ITPR1: variants seen among roughly 807,000 people sequenced by gnomAD.
ITPR1 encodes inositol 1,4,5-trisphosphate-gated calcium channel ITPR1.
ITPR1 carries 96 observed loss-of-function variants against 318.4 expected under a neutral mutation model. The observed-to-expected ratio is 0.30, with a 90% confidence interval of 0.26 to 0.36. The LOEUF (loss-of-function observed/expected upper bound fraction) is 0.36, where lower values mean the gene tolerates loss of function less well. Ranked by LOEUF, ITPR1 falls within the 10% of genes least tolerant of loss-of-function variation. ITPR1 has a pLI of 1.00. For missense variants in ITPR1, 2,440 were observed against 3,460.2 expected (o/e 0.71, Z 7.40); for synonymous variants, 1,312 against 1,289.9 (o/e 1.02, Z -0.37).
At chr3:4,651,961 T>C (rs1241920801) in intron 10 of ITPR1, among the ~76,000 whole-genome samples, 162 bp from the exon 11 acceptor site, 1 of 152,260 alleles carries the variant, frequency 6.6e-6, no homozygotes, top group Admixed American at 6.5e-5. Context: ...CTTTTCAGTT[T>C]GGATGCTACA....
intron 4 of ITPR1, among the ~76,000 whole-genome samples, chr3:4,589,058 G>C (rs578008534): frequency 6.6e-6 from 1 of 152,094 alleles, no homozygotes; most frequent in South Asian, 2.1e-4. Context: ...GCATGGTGGC[G>C]TGCACCTGTG....
At chr3:4,673,881 C>T (rs954607124) in intron 21 of ITPR1, among the ~76,000 whole-genome samples, 1 of 152,186 alleles carries the variant, frequency 6.6e-6, no homozygotes, top group Non-Finnish European at 1.5e-5. Flanking sequence ...CGCGCCTGGC[C>T]CCGATTGTAT....
At chr3:4,521,564 G>GGCAGGCTGGGCACAGTGGC (rs1358399390) in intron 4 of ITPR1, among the ~76,000 whole-genome samples, 1 of 152,148 alleles carries the variant, frequency 6.6e-6, no homozygotes, top group East Asian at 1.9e-4. Context: ...AAAAGACATA[G>GGCAGGCTGGGCACAGTGGC]GCAGGCTGGG....
chr3:4,691,142 A>T lies in ITPR1; in HGVS notation c.3829-2A>T. 6.2e-7 allele frequency: 1 copy of T among 1,601,656 alleles called. No homozygotes were observed. Among genetic ancestry groups the T allele is most frequent in the Non-Finnish European group, 8.5e-7 (1 of 1,171,114 alleles). The stretch of plus-strand genomic sequence containing the variant: ...GTGCTCTTTTCCTCACTCTTGTGCC[A>T]GATCCTGGAGGCAGTAACCATGCAG... On this transcript the variant is annotated splice_acceptor_variant, in intron 31 of 61. Transcript: ENST00000649015. LOFTEE classifies it high-confidence loss of function.
At chr3:4,555,602 A>G (rs757306601) in intron 4 of ITPR1, among the ~76,000 whole-genome samples, 2 of 152,212 alleles carry the variant, frequency 1.3e-5, no homozygotes, top group Non-Finnish European at 2.9e-5. Context: ...AAGCCATGAA[A>G]AGACATGGAG....
chr3:4,631,441 G>A (rs1285669885), intron 5 of ITPR1, among the ~76,000 whole-genome samples: 1 of 151,968 alleles, frequency 6.6e-6, no homozygotes, highest in African/African-American at 2.4e-5. Context: ...GTATAAAATG[G>A]CCTGTGAAGT....
At chr3:4,503,017 G>GGAGGTTGCAGTGAGCT (rs954763384) in intron 2 of ITPR1, among the ~76,000 whole-genome samples, 6 of 152,038 alleles carry the variant, frequency 3.9e-5, no homozygotes, top group Non-Finnish European at 8.8e-5. Context: ...TTCAGGAGGT[G>GGAGGTTGCAGTGAGCT]GAGGTTGCAG....
chr3:4,833,207 G>C (rs2050642423), intron 60 of ITPR1, among the ~76,000 whole-genome samples: 1 of 152,150 alleles, frequency 6.6e-6, no homozygotes, highest in Admixed American at 6.5e-5. Context: ...TTGCCTAGAG[G>C]GCCAGGAGGT....
chr3:4,619,504 C>A, intron 4 of ITPR1, among the ~76,000 whole-genome samples: 1 of 150,436 alleles, frequency 6.6e-6, no homozygotes, highest in Non-Finnish European at 1.5e-5. Context: ...TCTCTCCTTT[C>A]CTCTCCTTCT....
At chr3:4,790,386 C>T (rs17041451) in intron 52 of ITPR1, among the ~76,000 whole-genome samples, 5,715 of 152,278 alleles carry the variant, frequency 0.038, 319 homozygotes, top group African/African-American at 0.12. Flanking sequence ...TAGCTAATAC[C>T]TTCCTTATTT....
intron 44 of ITPR1, among the ~76,000 whole-genome samples, chr3:4,737,877 CAT>C (rs904359518): frequency 6.6e-6 from 1 of 152,154 alleles, no homozygotes; most frequent in Non-Finnish European, 1.5e-5. Context: ...TGACTGTGCA[CAT>C]GTTTAAAACT....
intron 2 of ITPR1, among the ~76,000 whole-genome samples, chr3:4,499,929 A>C (rs967163275): frequency 1.3e-5 from 2 of 152,112 alleles, no homozygotes; most frequent in African/African-American, 4.8e-5. Flanking sequence ...TCTGCTCTGT[A>C]AACTTTGCTT....
chr3:4,715,181 C>T (rs910930852), intron 39 of ITPR1, among the ~76,000 whole-genome samples: 25 of 152,170 alleles, frequency 1.6e-4, no homozygotes, highest in Middle Eastern at 3.2e-3. Flanking sequence ...CCAGACAGTC[C>T]GATCCTAGAG....
At chr3:4,714,991 C>T (rs2041659764) in intron 39 of ITPR1, among the ~76,000 whole-genome samples, 1 of 152,242 alleles carries the variant, frequency 6.6e-6, no homozygotes. Flanking sequence ...TGATCGACCT[C>T]TTGTCATGTG....
intron 57 of ITPR1, chr3:4,814,199 C>T (rs949807138): frequency 7.3e-6 from 4 of 548,254 alleles, no homozygotes; most frequent in Non-Finnish European, 9.9e-6. Context: ...AGAGGGAGAG[C>T]AATACTACCA....
intron 60 of ITPR1, among the ~76,000 whole-genome samples, chr3:4,834,681 T>C (rs1028877184): frequency 6.6e-6 from 1 of 152,136 alleles, no homozygotes; most frequent in African/African-American, 2.4e-5. Flanking sequence ...GTCTGAAGGA[T>C]TGACACAGGA....
At chr3:4,701,901 T>G (rs955882398) in intron 35 of ITPR1, among the ~76,000 whole-genome samples, 12 of 152,232 alleles carry the variant, frequency 7.9e-5, no homozygotes, top group Non-Finnish European at 1.6e-4. Context: ...CTTTCTCCCC[T>G]GACGCTTTCC....
chr3:4,683,602 G>T, intron 27 of ITPR1, 26 bp from the exon 28 acceptor site: 2 of 1,614,026 alleles, frequency 1.2e-6, no homozygotes, highest in Non-Finnish European at 1.7e-6. Context: ...GCTGTTGTGT[G>T]CACCTAACGG....
intron 59 of ITPR1, 57 bp from the exon 60 acceptor site, chr3:4,818,025 T>A: frequency 6.8e-7 from 1 of 1,468,174 alleles, no homozygotes. Flanking sequence ...GTTATTGATT[T>A]TTTTTCTTTA....
Sources: gnomAD v4.1 joint callset for allele counts (sites outside exome capture counted in the v4.1 genomes callset) on GRCh38, gnomAD v4.1.1 for gene constraint, MANE v1.5 for transcripts, NCBI Gene and HGNC (gene_info 2026-07-23, HGNC 2026-07-21) for gene names.